OXR1: variants seen among roughly 807,000 people sequenced by gnomAD.
The protein encoded by OXR1 is oxidation resistance protein 1.
A neutral mutation model predicts 104.6 loss-of-function variants in OXR1; 41 were observed. The ratio of observed to expected loss-of-function variants is 0.39; its 90% confidence interval spans 0.31 to 0.51. The LOEUF is 0.51. OXR1 is among the 20% of genes least tolerant of loss of function. The pLI is 0.77. For synonymous variants in OXR1, 348 were observed against 348.4 expected, an observed-to-expected ratio of 1.00 and a Z score of 0.01; for missense variants, 955 against 1,031.9, an observed-to-expected ratio of 0.93 and a Z score of 1.02.
intron 1 of OXR1, among the ~76,000 whole-genome samples, chr8:106,289,892 T>G (rs1229991762): frequency 2.0e-5 from 3 of 152,138 alleles, no homozygotes; most frequent in Admixed American, 6.6e-5. Context: ...TTCCACCAGA[T>G]CTGATGGTTT....
intron 3 of OXR1, among the ~76,000 whole-genome samples, chr8:106,593,932 A>G (rs996913685): frequency 1.1e-4 from 17 of 152,204 alleles, no homozygotes; most frequent in Non-Finnish European, 2.4e-4. Context: ...CACAGCCACC[A>G]TATCTCAATT....
chr8:106,683,031 G>A (rs569004753), intron 4 of OXR1, among the ~76,000 whole-genome samples, 168 bp from the exon 5 acceptor site: 2 of 152,148 alleles, frequency 1.3e-5, no homozygotes, highest in Non-Finnish European at 2.9e-5. Flanking sequence ...TAGATTAAGA[G>A]CATTTGCTAA....
chr8:106,730,100 A>G (rs1833740560), intron 11 of OXR1, among the ~76,000 whole-genome samples: 1 of 152,062 alleles, frequency 6.6e-6, no homozygotes, highest in Non-Finnish European at 1.5e-5. Context: ...TTAGATCAGT[A>G]TTAGGTTTAC....
At chr8:106,364,613 G>A (rs1356261427) in intron 2 of OXR1, among the ~76,000 whole-genome samples, 1 of 15,446 alleles carries the variant, frequency 6.5e-5, no homozygotes, top group Non-Finnish European at 1.2e-4. Context: ...AACAAAAAAA[G>A]TAATAATTTT....
At chr8:106,600,658 G>T (rs1357019017) in intron 3 of OXR1, among the ~76,000 whole-genome samples, 3 of 152,154 alleles carry the variant, frequency 2.0e-5, no homozygotes, top group Non-Finnish European at 2.9e-5. Flanking sequence ...CCCTGTTGAG[G>T]ATTATAATGC....
chr8:106,319,568 T>C (rs1814124905), intron 1 of OXR1, among the ~76,000 whole-genome samples: 1 of 152,204 alleles, frequency 6.6e-6, no homozygotes, highest in South Asian at 2.1e-4. Context: ...CCCTTTTTGT[T>C]GTGAAATATG....
intron 3 of OXR1, among the ~76,000 whole-genome samples, chr8:106,643,504 T>C (rs976164594): frequency 6.6e-6 from 1 of 151,964 alleles, no homozygotes; most frequent in East Asian, 1.9e-4. Context: ...TTTCTAATAA[T>C]AGAAGAGCTC....
chr8:106,715,604 G>GTAT (rs996126185), intron 11 of OXR1, among the ~76,000 whole-genome samples: 1 of 152,050 alleles, frequency 6.6e-6, no homozygotes. Context: ...AGAAGAAAAG[G>GTAT]TATTAGCTAG....
chr8:106,362,097 T>G (rs1816272398), intron 2 of OXR1, among the ~76,000 whole-genome samples: 1 of 152,272 alleles, frequency 6.6e-6, no homozygotes, highest in East Asian at 1.9e-4. Flanking sequence ...AGCTTCTTCG[T>G]GTCTAGGAGT....
At chr8:106,544,420 CT>C (rs1336567212) in intron 3 of OXR1, among the ~76,000 whole-genome samples, 1 of 152,098 alleles carries the variant, frequency 6.6e-6, no homozygotes, top group Non-Finnish European at 1.5e-5. Context: ...AGTGTTTTCA[CT>C]TTATCTTGCT....
intron 2 of OXR1, among the ~76,000 whole-genome samples, chr8:106,461,744 G>A (rs1318477938): frequency 6.6e-6 from 1 of 152,076 alleles, no homozygotes; most frequent in Non-Finnish European, 1.5e-5. Flanking sequence ...AGATTGTTTT[G>A]CAGATCGGAA....
intron 1 of OXR1, among the ~76,000 whole-genome samples, chr8:106,357,669 G>T (rs906087748): frequency 6.6e-6 from 1 of 151,994 alleles, no homozygotes; most frequent in Non-Finnish European, 1.5e-5. Flanking sequence ...ATTAATCCTT[G>T]TATCATTAAT....
rs201796866 is a variant in OXR1 at position 106,415,246 on chromosome 8, C to T, written c.23+55610C>T. Among the ~76,000 whole-genome samples the T allele has an allele frequency of 5.3e-5, 8 of 152,180 alleles. No individual in the cohort carries two copies. In the East Asian group the frequency reaches 1.4e-3, roughly 26 times the overall value. Reference sequence around the variant, plus strand: ...TCAGTGTGTTTTTATGGCTTTTCTGCAGGCCTAAAATCTATTGCCATCTGT... The same window carrying T: ...TCAGTGTGTTTTTATGGCTTTTCTGTAGGCCTAAAATCTATTGCCATCTGT... On this transcript the variant is annotated intron_variant, in intron 2 of 16. Transcript: ENST00000517566.
intron 3 of OXR1, among the ~76,000 whole-genome samples, chr8:106,602,585 A>C (rs959485897): frequency 6.6e-6 from 1 of 152,182 alleles, no homozygotes; most frequent in Non-Finnish European, 1.5e-5. Context: ...CTGTGGAGTT[A>C]ACAAGAGTGG....
intron 3 of OXR1, among the ~76,000 whole-genome samples, chr8:106,615,607 CAAA>C (rs34898459): frequency 9.4e-5 from 11 of 117,598 alleles, no homozygotes; most frequent in Non-Finnish European, 1.4e-4. Context: ...GAATCTGTCT[CAAA>C]AAAAAAAAAA....
At chr8:106,411,553 G>A (rs1378918012) in intron 2 of OXR1, among the ~76,000 whole-genome samples, 1 of 152,154 alleles carries the variant, frequency 6.6e-6, no homozygotes, top group African/African-American at 2.4e-5. Flanking sequence ...GGGTCGCTAA[G>A]CTTTCATTTT....
intron 3 of OXR1, among the ~76,000 whole-genome samples, chr8:106,521,093 CTCTA>C (rs766621646): frequency 3.3e-5 from 5 of 152,152 alleles, no homozygotes; most frequent in Admixed American, 1.3e-4. Flanking sequence ...GTTAAATATA[CTCTA>C]TCTATATAAC....
intron 3 of OXR1, among the ~76,000 whole-genome samples, chr8:106,643,738 C>T (rs144380400): frequency 1.4e-3 from 216 of 152,182 alleles, no homozygotes; most frequent in Non-Finnish European, 2.6e-3. Flanking sequence ...GCAAACCCTG[C>T]GTTCTGGCTC....
At chr8:106,635,620 T>G (rs1823067514) in intron 3 of OXR1, among the ~76,000 whole-genome samples, 1 of 152,084 alleles carries the variant, frequency 6.6e-6, no homozygotes, top group Non-Finnish European at 1.5e-5. Flanking sequence ...AATTTTTGTA[T>G]TTTTAGTAGA....
Sources: gnomAD v4.1 joint callset for allele counts (sites outside exome capture counted in the v4.1 genomes callset) on GRCh38, gnomAD v4.1.1 for gene constraint, MANE v1.5 for transcripts, NCBI Gene and HGNC (gene_info 2026-07-23, HGNC 2026-07-21) for gene names.